The following NIT2 variants were observed in gnomAD, a reference collection of about 807,000 sequenced individuals.
NIT2 encodes the protein omega-amidase NIT2.
A neutral mutation model predicts 42.7 loss-of-function variants in NIT2; 46 were observed. The ratio of observed to expected loss-of-function variants is 1.08; its 90% CI spans 0.85 to 1.38. NIT2 has a LOEUF of 1.38. Among genes scored for constraint, NIT2 ranks in the 40% most tolerant of loss-of-function variants. NIT2 has a pLI of 0.00. For synonymous variants in NIT2, 123 were observed against 121.9 expected (o/e 1.01, Z -0.06); for missense variants, 309 against 342.5 (o/e 0.90, Z 0.77).
rs776036540 is a variant in NIT2, at chr3:100,346,248, A to G, written c.498A>G (p.Ala166=). ...TTGCAGAGCTTGCACAAATCTACGCACAGAGAGGTGAGGCAGTGTAATAGC... is the reference window on the plus strand; with the variant it reads ...TTGCAGAGCTTGCACAAATCTACGCGCAGAGAGGTGAGGCAGTGTAATAGC... ...MRFAELAQIY[A]QRGCQLLVYP... is the part of the protein sequence containing the mutation. Residue 166 remains alanine, a synonymous_variant, in exon 6 of 10, where the codon GCA becomes GCG. Transcript: ENST00000394140. The G allele has an allele frequency of 6.2e-7, 1 of 1,613,994 alleles. No individual in the cohort carries two copies. Among genetic ancestry groups the G allele is most frequent in the South Asian group, 1.1e-5 (1 of 91,080 alleles).
intron 6 of NIT2, among the ~76,000 whole-genome samples, chr3:100,348,548 T>G (rs556032140): frequency 6.6e-6 from 1 of 152,368 alleles, no homozygotes; most frequent in South Asian, 2.1e-4. Flanking sequence ...GTATTATTTC[T>G]GTCTCAAAGT....
intron 4 of NIT2, among the ~76,000 whole-genome samples, chr3:100,344,017 T>C (rs1329605853): frequency 6.6e-6 from 1 of 152,258 alleles, no homozygotes; most frequent in Non-Finnish European, 1.5e-5. Flanking sequence ...TTAGCTGCTC[T>C]GTTCTATCTG....
chr3:100,340,178 C>G (rs1400617070), intron 3 of NIT2, among the ~76,000 whole-genome samples: 1 of 152,170 alleles, frequency 6.6e-6, no homozygotes. Flanking sequence ...TCAAGTGATT[C>G]TCCCACCTCC....
At chr3:100,350,321 G>A (rs1400069669) in intron 7 of NIT2, among the ~76,000 whole-genome samples, 2 of 152,192 alleles carry the variant, frequency 1.3e-5, no homozygotes, top group African/African-American at 2.4e-5. Flanking sequence ...AGTCTCGAGG[G>A]CTCCGAGGTG....
intron 7 of NIT2, 141 bp downstream of exon 7, chr3:100,349,022 G>A (rs1576202489): frequency 1.5e-6 from 1 of 656,664 alleles, no homozygotes; most frequent in African/African-American, 1.8e-5. Context: ...CAGTTGGAAA[G>A]GATGAAGCTA....
intron 1 of NIT2, 27 bp downstream of exon 1, chr3:100,334,825 C>T (rs1361013861): frequency 1.8e-5 from 23 of 1,259,376 alleles, no homozygotes; most frequent in Non-Finnish European, 2.1e-5. Flanking sequence ...CGCGCTGCAG[C>T]TCGAGTTCGG....
intron 7 of NIT2, 155 bp downstream of exon 7, chr3:100,349,036 G>C (rs143378172): frequency 6.4e-5 from 39 of 609,232 alleles, no homozygotes; most frequent in African/African-American, 5.7e-4. Flanking sequence ...GAAGCTATAA[G>C]GAGGACTTCT....
At chr3:100,351,108 G>T (rs1251392383) in intron 7 of NIT2, among the ~76,000 whole-genome samples, 1 of 151,998 alleles carries the variant, frequency 6.6e-6, no homozygotes, top group African/African-American at 2.4e-5. Flanking sequence ...GTCTATCATT[G>T]TTGGACATTT....
chr3:100,352,597 C>G (rs1308588601), intron 8 of NIT2, 95 bp downstream of exon 8: 8 of 831,942 alleles, frequency 9.6e-6, no homozygotes, highest in Non-Finnish European at 1.6e-5. Context: ...AGCAGCCAGG[C>G]GCTCACTTCT....
At chr3:100,347,910 A>G (rs1706234315) in intron 6 of NIT2, among the ~76,000 whole-genome samples, 1 of 149,668 alleles carries the variant, frequency 6.7e-6, no homozygotes, top group East Asian at 2.0e-4. Flanking sequence ...TTTTTTTTTG[A>G]GACAGAGTCT....
chr3:100,351,212 G>C (rs1706268890), intron 7 of NIT2, among the ~76,000 whole-genome samples: 1 of 152,016 alleles, frequency 6.6e-6, no homozygotes, highest in African/African-American at 2.4e-5. Context: ...AGTCCTTTGG[G>C]TATATACCCA....
intron 7 of NIT2, chr3:100,349,866 A>G (rs1201662799): frequency 6.6e-6 from 1 of 152,282 alleles, no homozygotes; most frequent in Non-Finnish European, 1.5e-5. Context: ...ATGGAAGGGA[A>G]AATGAATGTG....
Position 100,359,573 on chromosome 3 carries a change from C to G in NIT2, c.*4305C>G, listed in dbSNP as rs895944923. ...GTAGACCTGTCCATGTGGCCTCTCT[C>G]AACACCATTGGTGTGACCTTGCTCA... On this transcript the variant is annotated 3_prime_UTR_variant, in exon 10 of 10. Transcript: ENST00000394140. 4 of 152,078 alleles carry G rather than the reference C, an allele frequency of 2.6e-5. No homozygotes were observed. The highest frequency in any genetic ancestry group is 1.3e-4 in the Admixed American group (2 of 15,272). 9.4% of individuals were successfully genotyped at this position (152,078 alleles called of 1,614,324 possible).
In NIT2 at chr3:100,334,788, A is replaced by G; in HGVS notation, c.-4A>G. The G allele has an allele frequency of 4.6e-6, 6 of 1,302,880 alleles. No individual in the cohort carries two copies. Among genetic ancestry groups the G allele is most frequent in the African/African-American group, 1.5e-5 (1 of 66,162 alleles). 80.7% of individuals were successfully genotyped at this position (1,302,880 alleles called of 1,614,324 possible). On this transcript the variant is annotated 5_prime_UTR_variant, in exon 1 of 10. Transcript: ENST00000394140. ...CGCCGCAGGTGGTGCTTGTCTGCAG[A>G]GTCATGACCTGTAAGTGGCGCGGCC...
At chr3:100,340,321 C>T (rs1706134709) in intron 3 of NIT2, among the ~76,000 whole-genome samples, 1 of 152,104 alleles carries the variant, frequency 6.6e-6, no homozygotes, top group South Asian at 2.1e-4. Context: ...CCACCTTGGC[C>T]TTCCAAAGTG....
chr3:100,341,723 A>G (rs1706156703), intron 4 of NIT2, among the ~76,000 whole-genome samples: 1 of 151,868 alleles, frequency 6.6e-6, no homozygotes, highest in South Asian at 2.1e-4. Flanking sequence ...CACTGTGGGA[A>G]GAGTTGCCAT....
chr3:100,347,079 G>T (rs1033362066), intron 6 of NIT2, among the ~76,000 whole-genome samples: 1 of 150,844 alleles, frequency 6.6e-6, no homozygotes, highest in Non-Finnish European at 1.5e-5. Flanking sequence ...AGATAAATTT[G>T]TTTTTTTTTG....
At chr3:100,342,104 A>G (rs745586806) in intron 4 of NIT2, among the ~76,000 whole-genome samples, 4 of 152,034 alleles carry the variant, frequency 2.6e-5, no homozygotes, top group African/African-American at 4.8e-5. Flanking sequence ...TGACCCTTTT[A>G]TCATTATGAA....
chr3:100,334,833 C>A, intron 1 of NIT2, 35 bp downstream of exon 1: 1 of 1,214,332 alleles, frequency 8.2e-7, no homozygotes, highest in South Asian at 3.5e-5. Context: ...AGCTCGAGTT[C>A]GGGCCGCGGG....
Sources: allele counts gnomAD v4.1 joint callset (sites outside exome capture counted in the v4.1 genomes callset), GRCh38; gene constraint gnomAD v4.1.1; transcripts MANE v1.5; gene names NCBI Gene and HGNC (gene_info 2026-07-23, HGNC 2026-07-21).